Variants in DOCK2 observed in about 807,000 individuals in gnomAD.
The protein encoded by DOCK2 is dedicator of cytokinesis protein 2.
Under a neutral mutation model 248.9 loss-of-function variants are expected in DOCK2, and 87 were observed. The ratio of observed to expected loss-of-function variants is 0.35; its 90% CI spans 0.29 to 0.42. DOCK2 has a LOEUF of 0.42. DOCK2 is among the 10% of genes least tolerant of loss of function. The probability of loss-of-function intolerance (pLI) is 1.00; values close to 1 mark genes in which losing one functional copy is unlikely to be tolerated. For synonymous variants in DOCK2, 805 were observed against 821.6 expected, an observed-to-expected ratio of 0.98 and a Z score of 0.35; for missense variants, 1,747 against 2,300.2, an observed-to-expected ratio of 0.76 and a Z score of 4.92.
intron 23 of DOCK2, among the ~76,000 whole-genome samples, chr5:169,753,784 A>G (rs1367032557): frequency 6.6e-6 from 1 of 152,200 alleles, no homozygotes; most frequent in Non-Finnish European, 1.5e-5. Flanking sequence ...ATTAGTGATG[A>G]GACTGAATGT....
intron 34 of DOCK2, among the ~76,000 whole-genome samples, 179 bp downstream of exon 34, chr5:170,028,127 A>G (rs1241528057): frequency 2.0e-5 from 3 of 152,176 alleles, no homozygotes; most frequent in Non-Finnish European, 4.4e-5. Context: ...TGGAGTGGCC[A>G]TTTCTTTGGA....
At chr5:170,057,808 C>A in intron 44 of DOCK2, 142 bp downstream of exon 44, 1 of 707,156 alleles carries the variant, frequency 1.4e-6, no homozygotes, top group Non-Finnish European at 2.2e-6. Context: ...CCCATGCAGG[C>A]AGCATTCAGA....
chr5:169,648,802 G>T (rs917032368), intron 1 of DOCK2, among the ~76,000 whole-genome samples: 2 of 152,236 alleles, frequency 1.3e-5, no homozygotes, highest in African/African-American at 4.8e-5. Flanking sequence ...TGCAGGAAGT[G>T]TTTGGCAGAG....
intron 27 of DOCK2, among the ~76,000 whole-genome samples, chr5:169,929,160 C>G (rs1039815573): frequency 6.6e-6 from 1 of 152,198 alleles, no homozygotes. Flanking sequence ...AGCACTTAGG[C>G]ATAGCAGGGG....
intron 27 of DOCK2, among the ~76,000 whole-genome samples, chr5:169,933,453 T>A (rs1224730345): frequency 6.6e-6 from 1 of 152,236 alleles, no homozygotes; most frequent in Non-Finnish European, 1.5e-5. Context: ...CTCTTTCTGG[T>A]AAATCAGTCA....
chr5:169,946,625 T>C (rs1307195004), intron 27 of DOCK2, among the ~76,000 whole-genome samples: 1 of 152,240 alleles, frequency 6.6e-6, no homozygotes, highest in Non-Finnish European at 1.5e-5. Context: ...ACTCATTGTG[T>C]ATCAGCCACT....
intron 36 of DOCK2, among the ~76,000 whole-genome samples, chr5:170,037,338 G>A (rs1035313028): frequency 2.0e-5 from 3 of 151,772 alleles, no homozygotes; most frequent in Non-Finnish European, 2.9e-5. Flanking sequence ...AGAACTCCAT[G>A]TTGACAGATG....
In DOCK2 at chr5:169,764,168, G is replaced by GTGATT. The variant is rs1321107534; in HGVS notation, c.2554+2546_2554+2550dup. Reference sequence around the variant, plus strand: ...GTGAAGTGTCCTGTGCCTCGGGGACGTGATTTGCTTTGAGCCTGCACTCAT... The same window carrying GTGATT: ...GTGAAGTGTCCTGTGCCTCGGGGACGTGATTTGATTTGCTTTGAGCCTGCACTCAT... On this transcript the variant is annotated intron_variant, in intron 25 of 51. Coordinates refer to ENST00000520908, the MANE Select transcript of DOCK2 (RefSeq NM_004946.3). The surrounding 1 kb of genome is among the most constrained non-coding windows in gnomAD (Gnocchi z 4.3). Among the ~76,000 whole-genome samples the GTGATT allele has an allele frequency of 3.9e-5, 6 of 152,192 alleles. No individual in the cohort carries two copies. The highest frequency in any genetic ancestry group is 1.4e-4 in the African/African-American group (6 of 41,444).
intron 15 of DOCK2, 137 bp downstream of exon 15, chr5:169,708,404 T>A: frequency 4.4e-6 from 4 of 907,844 alleles, no homozygotes; most frequent in Non-Finnish European, 6.7e-6. Flanking sequence ...TCCTTCATTT[T>A]ATAGTTGAGG....
intron 27 of DOCK2, among the ~76,000 whole-genome samples, chr5:169,963,253 T>A (rs1162216729): frequency 6.6e-6 from 1 of 152,180 alleles, no homozygotes; most frequent in Non-Finnish European, 1.5e-5. Context: ...CATGAACTGA[T>A]GAGATGGATG....
chr5:169,738,851 T>C (rs960659326), intron 22 of DOCK2, among the ~76,000 whole-genome samples: 2 of 152,162 alleles, frequency 1.3e-5, no homozygotes, highest in Non-Finnish European at 2.9e-5. Flanking sequence ...TGGTTTAGAA[T>C]TCACTCAGTC....
intron 26 of DOCK2, among the ~76,000 whole-genome samples, chr5:169,811,425 C>T (rs897754195): frequency 6.6e-6 from 1 of 152,166 alleles, no homozygotes; most frequent in Non-Finnish European, 1.5e-5. Flanking sequence ...AAATAAAAGG[C>T]AGGGAGACAA....
At chr5:169,712,061 G>C in intron 16 of DOCK2, 54 bp downstream of exon 16, 1 of 1,613,636 alleles carries the variant, frequency 6.2e-7, no homozygotes, top group Non-Finnish European at 8.5e-7. Context: ...GGAGAAGAAT[G>C]GAAGAGCTGG....
intron 33 of DOCK2, among the ~76,000 whole-genome samples, chr5:170,026,228 C>T (rs909801467): frequency 6.6e-6 from 1 of 152,144 alleles, no homozygotes; most frequent in Non-Finnish European, 1.5e-5. Flanking sequence ...ATTCCAACTC[C>T]ATGGAGCTCT....
At chr5:169,753,138 A>C (rs1173590521) in intron 23 of DOCK2, among the ~76,000 whole-genome samples, 1 of 152,216 alleles carries the variant, frequency 6.6e-6, no homozygotes, top group Admixed American at 6.5e-5. Context: ...GTGTTGAGCT[A>C]AAAGCTTTAC....
chr5:169,709,098 GTACT>G (rs1339617732), intron 15 of DOCK2, among the ~76,000 whole-genome samples: 1 of 152,212 alleles, frequency 6.6e-6, no homozygotes, highest in Non-Finnish European at 1.5e-5. Context: ...TTGGAAGAGA[GTACT>G]TATTCAATTA....
intron 23 of DOCK2, among the ~76,000 whole-genome samples, chr5:169,748,411 C>A (rs934660164): frequency 1.4e-4 from 21 of 152,142 alleles, no homozygotes; most frequent in African/African-American, 4.6e-4. Flanking sequence ...AACCACCCGA[C>A]TTTCTAATTT....
intron 8 of DOCK2, 55 bp from the exon 9 acceptor site, chr5:169,689,197 C>T (rs1760153419): frequency 6.4e-7 from 1 of 1,569,122 alleles, no homozygotes; most frequent in Non-Finnish European, 8.8e-7. Context: ...AATGTTTTGA[C>T]TAAATGGATG....
intron 32 of DOCK2, among the ~76,000 whole-genome samples, chr5:170,009,647 G>A (rs1168105919): frequency 6.6e-6 from 1 of 152,156 alleles, no homozygotes; most frequent in African/African-American, 2.4e-5. Context: ...ACTAACTTGT[G>A]CCCATCTCTT....
Sources: gnomAD v4.1 joint callset for allele counts (sites outside exome capture counted in the v4.1 genomes callset) on GRCh38, gnomAD v4.1.1 for gene constraint, Gnocchi (gnomAD v3.1) non-coding constraint, MANE v1.5 for transcripts, NCBI Gene and HGNC (gene_info 2026-07-23, HGNC 2026-07-21) for gene names.